The following STK35 variants were observed in gnomAD, a reference collection of about 807,000 sequenced individuals.
The protein encoded by STK35 is serine/threonine-protein kinase 35.
In STK35, 17 loss-of-function variants were observed where a neutral mutation model predicts 37.3. The observed-to-expected ratio is 0.46, with a 90% CI of 0.31 to 0.68. STK35 has a LOEUF of 0.68. Among genes scored for constraint, STK35 ranks in the 30% least tolerant of loss-of-function variants. The probability of loss-of-function intolerance (pLI) is 0.05; values close to 1 mark genes in which losing one functional copy is unlikely to be tolerated. For missense variants in STK35, 595 were observed against 746.7 expected (o/e 0.80, Z 2.37); for synonymous variants, 385 against 319.1 (o/e 1.21, Z -2.20).
rs948329980 is a variant in STK35 at position 2,147,521 on chromosome 20, A to C, written c.*3775A>C. The C allele has an allele frequency of 6.6e-6, 1 of 152,254 alleles. No homozygotes were observed. Among genetic ancestry groups the C allele is most frequent in the Non-Finnish European group, 1.5e-5 (1 of 68,058 alleles). 9.4% of individuals were successfully genotyped at this position (152,254 alleles called of 1,614,324 possible). A position where few individuals can be genotyped will look rare whatever the true frequency, so the allele number is the denominator to read the frequency against. The stretch of plus-strand genomic sequence containing the variant: ...GCCTTGGGGTATCTTTTGGAAACTT[A>C]GAAAAGCAGGAGTCAGGCTGCCACC... On this transcript the variant is annotated 3_prime_UTR_variant, in exon 4 of 4. Transcript: ENST00000381482.
intron 1 of STK35, 35 bp from the exon 2 acceptor site, chr20:2,102,733 T>A: frequency 7.2e-7 from 1 of 1,380,362 alleles, no homozygotes; most frequent in Non-Finnish European, 9.4e-7. Flanking sequence ...CTCCCCGCCT[T>A]GGCCTGGCCG....
At chr20:2,115,379 C>T (rs1397845712) in intron 2 of STK35, among the ~76,000 whole-genome samples, 3 of 152,090 alleles carry the variant, frequency 2.0e-5, no homozygotes, top group African/African-American at 7.2e-5. Flanking sequence ...TGAGGAAGTG[C>T]AGTCATTTTT....
intron 2 of STK35, among the ~76,000 whole-genome samples, chr20:2,111,058 C>T (rs1985607955): frequency 1.3e-5 from 2 of 152,178 alleles, no homozygotes; most frequent in South Asian, 2.1e-4. Flanking sequence ...TCTTCCTTTC[C>T]ATCTTATGTG....
chr20:2,108,899 C>T (rs1985566568), intron 2 of STK35, among the ~76,000 whole-genome samples: 1 of 152,114 alleles, frequency 6.6e-6, no homozygotes, highest in African/African-American at 2.4e-5. Context: ...GGGCTAGGAA[C>T]CCTCCTTAGT....
chr20:2,102,847 T>A lies in STK35; in HGVS notation c.374T>A (p.Leu125Ter). The part of the protein sequence containing the change: ...DEAGGARAAP[L>*]LLPPPPAAME... The stretch of plus-strand genomic sequence containing the variant: ...GCAGGGGGGGCCCGGGCAGCGCCGT[T>A]GCTGCTCCCCCCGCCGCCCGCAGCC... The change falls in exon 2 of 4, where the codon TTG becomes TAG. Residue 125 changes from leucine to a stop codon, truncating the protein, a stop_gained. Transcript: ENST00000381482. LOFTEE classifies it high-confidence loss of function. The A allele has an allele frequency of 6.5e-7, 1 of 1,545,786 alleles. No homozygotes were observed. The highest frequency in any genetic ancestry group is 8.7e-7 in the Non-Finnish European group (1 of 1,154,084).
At chr20:2,102,294 T>G in intron 1 of STK35, 119 bp downstream of exon 1, 1 of 1,302,806 alleles carries the variant, frequency 7.7e-7, no homozygotes, top group Non-Finnish European at 1.0e-6. Flanking sequence ...AGCCGAACTT[T>G]TCAGCCAATC....
chr20:2,102,216 T>C, intron 1 of STK35, 41 bp downstream of exon 1: 1 of 1,366,454 alleles, frequency 7.3e-7, no homozygotes, highest in Non-Finnish European at 9.4e-7. Flanking sequence ...GCGCCGAGGC[T>C]GGAGTTACTG....
rs779651874 is a variant in STK35, at chr20:2,103,066, C to A, written c.593C>A (p.Ala198Glu). 1 of 1,576,678 alleles carries A rather than the reference C, an allele frequency of 6.3e-7. No homozygotes were observed. Among genetic ancestry groups the A allele is most frequent in the East Asian group, 2.3e-5 (1 of 43,124 alleles). The change falls in exon 2 of 4, where the codon GCG becomes GAG. Residue 198 changes from alanine to glutamate, a missense_variant. Coordinates refer to ENST00000381482, the MANE Select transcript of STK35 (RefSeq NM_080836.4). ...RRRPEGGGGS[A>E]RPRYSLLAEI... The stretch of plus-strand genomic sequence containing the variant: ...CGGCCTGAGGGCGGTGGCGGGTCCG[C>A]GCGGCCGCGTTACAGCCTGTTGGCG...
At chr20:2,116,559 A>G (rs1296792743) in intron 2 of STK35, 107 bp from the exon 3 acceptor site, 4 of 1,221,032 alleles carry the variant, frequency 3.3e-6, no homozygotes, top group Non-Finnish European at 1.1e-6. Flanking sequence ...CCCTTGGAGC[A>G]GTTGTTTGTC....
At chr20:2,110,503 C>T (rs1008493345) in intron 2 of STK35, among the ~76,000 whole-genome samples, 1 of 152,204 alleles carries the variant, frequency 6.6e-6, no homozygotes, top group Non-Finnish European at 1.5e-5. Context: ...CAATCCTCCA[C>T]TTTGACTTAC....
chr20:2,146,210 T>A lies in STK35; in HGVS notation c.*2464T>A, dbSNP rs981812765. Reference sequence around the variant, plus strand: ...TCAAACACTTGCCCACCTCAGGCACTCAGCGGGCTCCGCCGTGGTGAGAGA... The same window carrying A: ...TCAAACACTTGCCCACCTCAGGCACACAGCGGGCTCCGCCGTGGTGAGAGA... On this transcript the variant is annotated 3_prime_UTR_variant, in exon 4 of 4. Transcript: ENST00000381482. 6.6e-6 allele frequency: 1 copy of A among 152,288 alleles called. No homozygotes were observed. The highest frequency in any genetic ancestry group is 1.5e-5 in the Non-Finnish European group (1 of 68,094). The allele number at this position is 152,288 out of a possible 1,614,324, so 9.4% of individuals were successfully genotyped here.
intron 2 of STK35, among the ~76,000 whole-genome samples, chr20:2,114,536 G>A (rs1453066971): frequency 1.3e-5 from 2 of 152,094 alleles, no homozygotes; most frequent in East Asian, 3.9e-4. Context: ...GTGATTCTGA[G>A]AATACTTCTT....
At position 2,102,106 on chromosome 20, in the gene STK35, A is replaced by C. The variant is rs1460256074; in HGVS notation, c.225A>C (p.Gly75=). 2.1e-6 allele frequency: 3 copies of C among 1,458,170 alleles called. No individual in the cohort carries two copies. Among genetic ancestry groups the C allele is most frequent in the Non-Finnish European group, 2.7e-6 (3 of 1,103,458 alleles). The allele number at this position is 1,458,170 out of a possible 1,614,324, so 90.3% of individuals were successfully genotyped here. ...GGTCCCGGAGGCAGCCCGGGCCCGG[A>C]GCGGACCATCCCCAGGCAGGGGCTC... ...AARSRRQPGP[G]ADHPQAGAPG... The change falls in exon 1 of 4, where the codon GGA becomes GGC. Residue 75 remains glycine, a synonymous_variant. Transcript: ENST00000381482.
At chr20:2,121,667 G>A (rs1234078076) in intron 3 of STK35, among the ~76,000 whole-genome samples, 1 of 152,088 alleles carries the variant, frequency 6.6e-6, no homozygotes, top group Admixed American at 6.6e-5. Flanking sequence ...ACAAGAGGAG[G>A]TCAGAGGACT....
chr20:2,135,814 C>T (rs6106275), intron 3 of STK35, among the ~76,000 whole-genome samples: 43,553 of 152,116 alleles, frequency 0.29, 7,855 homozygotes, highest in East Asian at 0.92. Context: ...TGCACTGCTG[C>T]GCTCCAGCTT....
intron 2 of STK35, among the ~76,000 whole-genome samples, chr20:2,108,180 G>A (rs993675844): frequency 1.3e-5 from 2 of 152,148 alleles, no homozygotes; most frequent in Non-Finnish European, 2.9e-5. Flanking sequence ...GTTTTTCTTG[G>A]TTGTAAAATG....
At chr20:2,103,605 A>G (rs1051263308) in intron 2 of STK35, among the ~76,000 whole-genome samples, 5 of 152,212 alleles carry the variant, frequency 3.3e-5, no homozygotes, top group African/African-American at 1.2e-4. Flanking sequence ...TTAAGTGCTA[A>G]CCATTAACTT....
intron 3 of STK35, among the ~76,000 whole-genome samples, chr20:2,134,620 G>T (rs902272825): frequency 2.0e-5 from 3 of 152,068 alleles, no homozygotes; most frequent in Non-Finnish European, 4.4e-5. Flanking sequence ...GCCTGGCGCG[G>T]TGGCTCAGGC....
In STK35 at chr20:2,103,011, GC is replaced by G; in HGVS notation, c.542del (p.Pro181ArgfsTer94). On this transcript the variant is annotated frameshift_variant, in exon 2 of 4. Transcript: ENST00000381482. LOFTEE classifies it high-confidence loss of function. The part of the protein sequence containing the change: ...ARAMDPVAAE[A>X]PGEAFLARRR... ...GGCCATGGATCCGGTGGCGGCCGAG[GC>G]CCCGGGCGAGGCCTTCCTGGCGCGG... 1 of 1,427,494 alleles carries G rather than the reference GC, an allele frequency of 7.0e-7. No homozygotes were observed. The allele number at this position is 1,427,494 out of a possible 1,614,324, so 88.4% of individuals were successfully genotyped here. A position where few individuals can be genotyped will look rare whatever the true frequency, so the allele number is the denominator to read the frequency against.
Sources: allele counts gnomAD v4.1 joint callset (sites outside exome capture counted in the v4.1 genomes callset), GRCh38; gene constraint gnomAD v4.1.1; transcripts MANE v1.5; gene names NCBI Gene and HGNC (gene_info 2026-07-23, HGNC 2026-07-21).